EPC1: variants seen among roughly 807,000 people sequenced by gnomAD.
EPC1 encodes the protein enhancer of polycomb homolog 1.
Under a neutral mutation model 98.4 loss-of-function variants are expected in EPC1, and 12 were observed. The observed-to-expected ratio is 0.12, with a 90% CI of 0.08 to 0.20. EPC1 has a LOEUF of 0.20. Among genes scored for constraint, EPC1 ranks in the 10% least tolerant of loss-of-function variants. The probability of loss-of-function intolerance (pLI) is 1.00; values close to 1 mark genes in which losing one functional copy is unlikely to be tolerated. For synonymous variants in EPC1, 357 were observed against 363.9 expected (o/e 0.98, Z 0.21); for missense variants, 729 against 990.5 (o/e 0.74, Z 3.54).
chr10:32,366,572 G>A (rs933380213), intron 1 of EPC1, among the ~76,000 whole-genome samples: 2 of 151,752 alleles, frequency 1.3e-5, no homozygotes, highest in African/African-American at 4.8e-5. Context: ...ATTAAAATTG[G>A]AAATCAGTAT....
intron 6 of EPC1, among the ~76,000 whole-genome samples, chr10:32,288,686 G>A (rs1836830724): frequency 6.6e-6 from 1 of 151,940 alleles, no homozygotes. Context: ...CACATATAGA[G>A]GAAAGCAAAT....
At chr10:32,331,443 G>A (rs948191717) in intron 1 of EPC1, among the ~76,000 whole-genome samples, 10 of 151,398 alleles carry the variant, frequency 6.6e-5, no homozygotes, top group African/African-American at 2.4e-4. Context: ...TCAGATTAGA[G>A]AGAAGAAATT....
intron 13 of EPC1, 107 bp from the exon 14 acceptor site, chr10:32,269,242 G>A: frequency 1.2e-6 from 1 of 855,240 alleles, no homozygotes; most frequent in Non-Finnish European, 1.9e-6. Flanking sequence ...GAAGAAATTG[G>A]ACTCTTTGGG....
Position 32,284,846 on chromosome 10 carries a change from C to T in EPC1, c.1596G>A (p.Arg532=). ...KSCRWRHFRP[R]TPSLHDSDND... ...TGTCACTGTCATGTAGGGATGGTGT[C>T]CGAGGCCTAAAATGCCGCCATCTAC... Residue 532 remains arginine (R), a synonymous_variant, in exon 10 of 14, where the codon CGG becomes CGA. Coordinates refer to ENST00000319778, the MANE Select transcript of EPC1 (RefSeq NM_001272004.3). The T allele has an allele frequency of 1.2e-6, 2 of 1,614,100 alleles. No individual in the cohort carries two copies. The highest frequency in any genetic ancestry group is 1.7e-6 in the Non-Finnish European group (2 of 1,180,022).
At chr10:32,336,284 G>A (rs933952196) in intron 1 of EPC1, among the ~76,000 whole-genome samples, 2 of 125,356 alleles carry the variant, frequency 1.6e-5, no homozygotes, top group East Asian at 5.1e-4. Context: ...TGGCCAGGCT[G>A]GTCTCGAACT....
chr10:32,321,466 CCTCTGCCTCCTAAGTAGCTGGTG>C (rs769192632), intron 1 of EPC1, among the ~76,000 whole-genome samples: 2 of 151,996 alleles, frequency 1.3e-5, no homozygotes, highest in Non-Finnish European at 2.9e-5. Context: ...GATCCTCCTG[CCTCTGCCTCCTAAGTAGCTGGTG>C]CTACAGGTGC....
chr10:32,346,174 T>C (rs1034301299), intron 1 of EPC1, among the ~76,000 whole-genome samples: 1 of 152,164 alleles, frequency 6.6e-6, no homozygotes, highest in Admixed American at 6.5e-5. Flanking sequence ...AAAAGCCTCA[T>C]AGAGCAGCAG....
upstream of EPC1, chr10:32,347,369 C>T: frequency 4.8e-6 from 1 of 209,358 alleles, no homozygotes; most frequent in Non-Finnish European, 8.6e-6. Flanking sequence ...GCGGACTGGG[C>T]GCTCGGACAC....
intron 2 of EPC1, among the ~76,000 whole-genome samples, chr10:32,302,074 C>T (rs1422928446): frequency 6.7e-6 from 1 of 150,136 alleles, no homozygotes; most frequent in Non-Finnish European, 1.5e-5. Context: ...GAGATCGAGA[C>T]CGTCCTAGCT....
chr10:32,339,101 T>G (rs2133018740), intron 1 of EPC1, among the ~76,000 whole-genome samples: 1 of 152,326 alleles, frequency 6.6e-6, no homozygotes, highest in South Asian at 2.1e-4. Flanking sequence ...CTTCTTAAAC[T>G]GGAACCAACT....
At position 32,291,145 on chromosome 10, in the gene EPC1, C is replaced by T; in HGVS notation, c.975+18G>A. 6.2e-7 allele frequency: 1 copy of T among 1,603,618 alleles called. No individual in the cohort carries two copies. The highest frequency in any genetic ancestry group is 8.5e-7 in the Non-Finnish European group (1 of 1,171,470). On this transcript the variant is annotated intron_variant, in intron 6 of 13. Transcript: ENST00000319778. ...CCATCCCATTATTAGATACTATTAT[C>T]ACAAAAACATTAATCACCTTATTAA...
chr10:32,298,953 C>T (rs1453928029), intron 2 of EPC1, among the ~76,000 whole-genome samples: 1 of 151,972 alleles, frequency 6.6e-6, no homozygotes, highest in African/African-American at 2.4e-5. Context: ...AAAAAGTATC[C>T]GTTAAAAAAA....
chr10:32,349,574 AAAAC>A (rs71515555), upstream of EPC1, among the ~76,000 whole-genome samples: 92,785 of 151,200 alleles, frequency 0.61, 29,555 homozygotes, highest in Middle Eastern at 0.74. Flanking sequence ...TTATAAAATT[AAAAC>A]AAACAAACAA....
chr10:32,277,095 T>C (rs16933181), intron 10 of EPC1, among the ~76,000 whole-genome samples: 8,716 of 152,158 alleles, frequency 0.057, 787 homozygotes, highest in African/African-American at 0.2. Context: ...AGATTTTAAA[T>C]TGAAAAATAG....
At chr10:32,321,694 G>A (rs1455853143) in intron 1 of EPC1, among the ~76,000 whole-genome samples, 1 of 151,870 alleles carries the variant, frequency 6.6e-6, no homozygotes, top group Non-Finnish European at 1.5e-5. Context: ...GATACTTCAT[G>A]TTCACTCTGA....
chr10:32,353,152 T>C (rs1839172976), intron 1 of EPC1, among the ~76,000 whole-genome samples: 1 of 145,418 alleles, frequency 6.9e-6, no homozygotes. Flanking sequence ...CACAACTCCA[T>C]TTCAAAAAAA....
chr10:32,301,560 C>T (rs899752282), intron 2 of EPC1, among the ~76,000 whole-genome samples: 16 of 152,258 alleles, frequency 1.1e-4, no homozygotes, highest in East Asian at 3.9e-4. Flanking sequence ...CTCAAGACAG[C>T]GATATTGTCT....
At chr10:32,369,080 TA>T (rs573075948) in intron 1 of EPC1, among the ~76,000 whole-genome samples, 2 of 152,140 alleles carry the variant, frequency 1.3e-5, no homozygotes, top group East Asian at 3.8e-4. Context: ...TTCTGGAAGC[TA>T]AAAAACCTTG....
intron 2 of EPC1, among the ~76,000 whole-genome samples, chr10:32,296,233 C>T (rs887793900): frequency 6.6e-6 from 1 of 152,178 alleles, no homozygotes; most frequent in African/African-American, 2.4e-5. Flanking sequence ...CCGCGCCCGG[C>T]CAATGTTCTG....
Sources: gnomAD v4.1 joint callset for allele counts (sites outside exome capture counted in the v4.1 genomes callset) on GRCh38, gnomAD v4.1.1 for gene constraint, MANE v1.5 for transcripts, NCBI Gene and HGNC (gene_info 2026-07-23, HGNC 2026-07-21) for gene names.